Variants in RALB observed in about 807,000 individuals in gnomAD.
RALB encodes ras-related protein Ral-B.
In RALB, 16 loss-of-function variants were observed where a neutral mutation model predicts 21.3. That is an observed-to-expected ratio of 0.75 (90% CI 0.51 to 1.14). The LOEUF is 1.14. RALB is among the 50% of genes most tolerant of loss of function. RALB has a pLI of 0.00. For synonymous variants in RALB, 93 were observed against 96.1 expected, an observed-to-expected ratio of 0.97 and a Z score of 0.19; for missense variants, 161 against 256.2, an observed-to-expected ratio of 0.63 and a Z score of 2.54.
chr2:120,261,313 G>T (rs1321517528), intron 1 of RALB, among the ~76,000 whole-genome samples: 1 of 152,136 alleles, frequency 6.6e-6, no homozygotes, highest in African/African-American at 2.4e-5. Flanking sequence ...TGGGCATGGT[G>T]GTGGTGGAGG....
intron 1 of RALB, among the ~76,000 whole-genome samples, chr2:120,242,044 AG>A (rs1352971462): frequency 1.3e-5 from 2 of 152,324 alleles, no homozygotes; most frequent in African/African-American, 4.8e-5. Flanking sequence ...GTGGATAAAC[AG>A]AGTGTGGCAC....
Position 120,252,961 on chromosome 2 carries a change from G to A in RALB, c.-67G>A, listed in dbSNP as rs961463832. On this transcript the variant is annotated 5_prime_UTR_variant, in exon 1 of 5. Coordinates refer to ENST00000272519, the MANE Select transcript of RALB (RefSeq NM_002881.3). The stretch of plus-strand genomic sequence containing the variant: ...CTGCGGGCCGGGTGCGGACGGCGGA[G>A]GCGGCGGGACTGGTCCCTGGTAAGG... 1.0e-6 allele frequency: 1 copy of A among 985,784 alleles called. No individual in the cohort carries two copies. Among genetic ancestry groups the A allele is most frequent in the Non-Finnish European group, 1.2e-6 (1 of 830,392 alleles). 61.1% of individuals were successfully genotyped at this position (985,784 alleles called of 1,614,324 possible).
chr2:120,278,856 G>C, intron 2 of RALB, 78 bp downstream of exon 2: 1 of 1,332,556 alleles, frequency 7.5e-7, no homozygotes, highest in Non-Finnish European at 9.9e-7. Flanking sequence ...TTTCTGTGCC[G>C]GTCCTCCCGT....
In RALB at chr2:120,281,153, G is replaced by A. The variant is rs946853699; in HGVS notation, c.114+2375G>A. Reference sequence around the variant, plus strand: ...CTGGGGCTGTGACCTCTTCTGAGGCGTGGGGGTCCTCTTCCAGGCTCCCTA... The same window carrying A: ...CTGGGGCTGTGACCTCTTCTGAGGCATGGGGGTCCTCTTCCAGGCTCCCTA... On this transcript the variant is annotated intron_variant, in intron 2 of 4. Coordinates refer to ENST00000272519, the MANE Select transcript of RALB (RefSeq NM_002881.3). Among the ~76,000 whole-genome samples the A allele has an allele frequency of 9.2e-5, 14 of 152,178 alleles. 1 individual carries two copies. Among genetic ancestry groups the A allele is most frequent in the Non-Finnish European group, 1.6e-4 (11 of 68,032 alleles).
chr2:120,241,177 C>G (rs533484253), intron 1 of RALB, among the ~76,000 whole-genome samples: 94 of 152,348 alleles, frequency 6.2e-4, no homozygotes, highest in African/African-American at 2.1e-3. Context: ...CCCAGAAGGG[C>G]TCATCCTCGA....
chr2:120,262,661 C>T (rs1163246451), intron 1 of RALB, among the ~76,000 whole-genome samples: 7 of 152,160 alleles, frequency 4.6e-5, no homozygotes, highest in Admixed American at 4.6e-4. Context: ...TTGTGTGATC[C>T]TCTCAGCCTT....
At chr2:120,243,464 C>T (rs1238287397) in intron 1 of RALB, among the ~76,000 whole-genome samples, 1 of 152,210 alleles carries the variant, frequency 6.6e-6, no homozygotes, top group Non-Finnish European at 1.5e-5. Flanking sequence ...TGGGGAGCAC[C>T]TCCCTCCATC....
intron 1 of RALB, among the ~76,000 whole-genome samples, chr2:120,255,393 T>TA (rs1689176800): frequency 1.3e-5 from 2 of 152,352 alleles, no homozygotes; most frequent in East Asian, 3.9e-4. Flanking sequence ...AACTAACAGT[T>TA]ACTGAGCATC....
chr2:120,261,703 A>G (rs1689371694), intron 1 of RALB, among the ~76,000 whole-genome samples: 1 of 152,158 alleles, frequency 6.6e-6, no homozygotes, highest in South Asian at 2.1e-4. Flanking sequence ...GAGATGAGGT[A>G]TCTGCAAGAG....
intron 1 of RALB, among the ~76,000 whole-genome samples, chr2:120,260,204 G>A (rs1429968172): frequency 6.6e-6 from 1 of 152,262 alleles, no homozygotes; most frequent in Non-Finnish European, 1.5e-5. Flanking sequence ...TTCCCGCAGT[G>A]CAGTGGGGGG....
chr2:120,278,815 A>T (rs1689911534), intron 2 of RALB, 37 bp downstream of exon 2: 1 of 1,473,568 alleles, frequency 6.8e-7, no homozygotes, highest in African/African-American at 1.4e-5. Context: ...TTCCTTTGGC[A>T]TTGGCCGTAG....
intron 1 of RALB, among the ~76,000 whole-genome samples, chr2:120,276,084 G>A (rs1689785636): frequency 6.6e-6 from 1 of 152,302 alleles, no homozygotes; most frequent in South Asian, 2.1e-4. Context: ...CTCAGCCTGA[G>A]CTACTCTATG....
chr2:120,268,040 T>G (rs1327737180), intron 1 of RALB, among the ~76,000 whole-genome samples: 1 of 152,208 alleles, frequency 6.6e-6, no homozygotes, highest in Non-Finnish European at 1.5e-5. Context: ...TCTGCCCGCC[T>G]TAGCCTCCCA....
upstream of RALB, chr2:120,252,636 G>A (rs904970974): frequency 3.7e-4 from 96 of 260,484 alleles, no homozygotes; most frequent in African/African-American, 1.6e-3. Context: ...GAGGGGGACG[G>A]GGCAGGCGCG....
rs539053191 is a variant in RALB at position 120,290,159 on chromosome 2, G to GTAGT, written c.501+402_501+403insTAGT. 8.4e-3 allele frequency among the ~76,000 whole-genome samples: 1,283 copies of GTAGT among 152,150 alleles called. 12 individuals carry two copies. The highest frequency in any genetic ancestry group is 0.012 in the Non-Finnish European group (812 of 67,988). Reference sequence around the variant, plus strand: ...GACTACAGGTGTGCACCACCACACTGGCTGTTTTTTGTGGAGATGGGGTTT... The same window carrying GTAGT: ...GACTACAGGTGTGCACCACCACACTGTAGTGCTGTTTTTTGTGGAGATGGGGTTT... On this transcript the variant is annotated intron_variant, in intron 4 of 4. Transcript: ENST00000272519.
At chr2:120,263,276 C>T (rs573449053) in intron 1 of RALB, among the ~76,000 whole-genome samples, 1 of 151,972 alleles carries the variant, frequency 6.6e-6, no homozygotes, top group Non-Finnish European at 1.5e-5. Flanking sequence ...CTCAGTGGTC[C>T]TCCCACCTCA....
intron 2 of RALB, among the ~76,000 whole-genome samples, chr2:120,281,776 C>T (rs931965986): frequency 2.0e-5 from 3 of 152,080 alleles, no homozygotes; most frequent in South Asian, 2.1e-4. Context: ...AATTTGCTTA[C>T]GAAAGCTTTT....
At chr2:120,254,787 C>T (rs1435415127) in intron 1 of RALB, among the ~76,000 whole-genome samples, 2 of 152,166 alleles carry the variant, frequency 1.3e-5, no homozygotes, top group East Asian at 1.9e-4. Context: ...AGGTGAGTCT[C>T]CCACCTCAGC....
At position 120,294,664 on chromosome 2, in the gene RALB, C is replaced by T. The variant is rs1558960071; in HGVS notation, c.*1404C>T. On this transcript the variant is annotated 3_prime_UTR_variant, in exon 5 of 5. Transcript: ENST00000272519. The stretch of plus-strand genomic sequence containing the variant: ...TGGAAAACAATCCTGTATCCCCTCC[C>T]AAAGAATCATGGGCTTTTTTTTTGA... 1 of 163,334 alleles carries T rather than the reference C, an allele frequency of 6.1e-6. No homozygotes were observed. Among genetic ancestry groups the T allele is most frequent in the Non-Finnish European group, 1.3e-5 (1 of 75,816 alleles). The allele number at this position is 163,334 out of a possible 1,614,324, so 10.1% of individuals were successfully genotyped here.
Sources: allele counts gnomAD v4.1 joint callset (sites outside exome capture counted in the v4.1 genomes callset), GRCh38; gene constraint gnomAD v4.1.1; transcripts MANE v1.5; gene names NCBI Gene and HGNC (gene_info 2026-07-23, HGNC 2026-07-21).